SCMH1: variants seen among roughly 807,000 people sequenced by gnomAD.
SCMH1 encodes the protein polycomb protein SCMH1.
In SCMH1, 37 loss-of-function variants were observed where a neutral mutation model predicts 70.8. The observed-to-expected ratio is 0.52, with a 90% CI of 0.40 to 0.69. The LOEUF is 0.69. Ranked by LOEUF, SCMH1 falls within the 30% of genes least tolerant of loss-of-function variation. SCMH1 has a pLI of 0.00. For synonymous variants in SCMH1, 292 were observed against 307.4 expected (o/e 0.95, Z 0.52); for missense variants, 607 against 827.3 (o/e 0.73, Z 3.27).
At chr1:41,186,848 G>A (rs138810763) in intron 1 of SCMH1, among the ~76,000 whole-genome samples, 2 of 152,106 alleles carry the variant, frequency 1.3e-5, no homozygotes, top group African/African-American at 2.4e-5. Flanking sequence ...AGCCTCTGCC[G>A]CTAGCATCCT....
At chr1:41,123,929 C>T (rs1672545872) in intron 6 of SCMH1, among the ~76,000 whole-genome samples, 1 of 152,154 alleles carries the variant, frequency 6.6e-6, no homozygotes, top group African/African-American at 2.4e-5. Flanking sequence ...CTCAGGAGAG[C>T]CATTTTGCCA....
intron 8 of SCMH1, among the ~76,000 whole-genome samples, chr1:41,087,011 T>G (rs1245872456): frequency 6.6e-6 from 1 of 151,870 alleles, no homozygotes; most frequent in African/African-American, 2.4e-5. Context: ...GCTTCTATTA[T>G]GAAAACTGTG....
intron 1 of SCMH1, among the ~76,000 whole-genome samples, chr1:41,240,243 G>A (rs1663238075): frequency 6.6e-6 from 1 of 152,188 alleles, no homozygotes; most frequent in African/African-American, 2.4e-5. Context: ...GTATGTGCTT[G>A]TCTAAGTTGT....
intron 10 of SCMH1, among the ~76,000 whole-genome samples, chr1:41,060,414 C>T (rs936069129): frequency 8.6e-5 from 13 of 151,078 alleles, no homozygotes; most frequent in African/African-American, 2.4e-4. Context: ...AAAAACCCAC[C>T]GACCTAAAGT....
chr1:41,141,235 A>C (rs1644043581), intron 6 of SCMH1, among the ~76,000 whole-genome samples: 1 of 152,268 alleles, frequency 6.6e-6, no homozygotes, highest in African/African-American at 2.4e-5. Flanking sequence ...GCAGCAAACT[A>C]CAGTTGGCAG....
chr1:41,222,944 T>A (rs186344068), intron 1 of SCMH1, among the ~76,000 whole-genome samples: 4 of 152,342 alleles, frequency 2.6e-5, no homozygotes, highest in South Asian at 2.1e-4. Context: ...ATGAAGTGTA[T>A]ACATTTATAT....
chr1:41,120,491 C>T (rs977638478), intron 6 of SCMH1, among the ~76,000 whole-genome samples: 3 of 152,096 alleles, frequency 2.0e-5, no homozygotes, highest in Non-Finnish European at 4.4e-5. Context: ...TGGTTGGATA[C>T]CAAACTTTGT....
At position 41,094,946 on chromosome 1, in the gene SCMH1, T is replaced by C. The variant is rs186487570; in HGVS notation, c.745+18337A>G. Among the ~76,000 whole-genome samples the C allele has an allele frequency of 3.6e-3, 552 of 152,060 alleles. 3 individuals are homozygous for C. The highest frequency in any genetic ancestry group is 0.012 in the African/African-American group (511 of 41,468). On this transcript the variant is annotated intron_variant, in intron 8 of 14. Coordinates refer to ENST00000337495, the Ensembl canonical transcript of SCMH1. ...GCCATATCTCTGCTCAAATGATACCTTTCAGTGAAGCTTTCCCTCATCATC... is the reference window on the plus strand; with the variant it reads ...GCCATATCTCTGCTCAAATGATACCCTTCAGTGAAGCTTTCCCTCATCATC...
chr1:41,196,546 C>A (rs1653066852), intron 1 of SCMH1, among the ~76,000 whole-genome samples: 2 of 152,066 alleles, frequency 1.3e-5, no homozygotes, highest in South Asian at 4.1e-4. Flanking sequence ...AAAATTAACT[C>A]AAAATTTATC....
exon 11 of SCMH1, chr1:41,048,866 C>T: frequency 1.2e-6 from 2 of 1,613,848 alleles, no homozygotes; most frequent in Non-Finnish European, 1.7e-6. Flanking sequence ...GCCTGTGCTG[C>T]CATTCTTGTT....
chr1:41,072,618 A>G (rs1656921799), intron 9 of SCMH1, among the ~76,000 whole-genome samples: 1 of 152,156 alleles, frequency 6.6e-6, no homozygotes, highest in South Asian at 2.1e-4. Context: ...TCCCAGCACT[A>G]TGGGAGGTCT....
intron 12 of SCMH1, chr1:41,043,250 T>G (rs995784474): frequency 6.7e-6 from 1 of 149,536 alleles, no homozygotes; most frequent in Middle Eastern, 3.4e-3. Context: ...CACACCACCA[T>G]GCCCAGCTAA....
intron 8 of SCMH1, among the ~76,000 whole-genome samples, chr1:41,106,702 T>G (rs914371906): frequency 4.0e-5 from 6 of 151,826 alleles, no homozygotes; most frequent in African/African-American, 1.5e-4. Context: ...TCCTTTTTCT[T>G]TTTTTGAGAT....
intron 6 of SCMH1, among the ~76,000 whole-genome samples, chr1:41,123,717 G>A (rs1255855708): frequency 6.6e-6 from 1 of 152,222 alleles, no homozygotes; most frequent in Non-Finnish European, 1.5e-5. Flanking sequence ...GTGAGGAGAA[G>A]AGTGGCAGCT....
chr1:41,075,642 T>A (rs1286569865), intron 8 of SCMH1, among the ~76,000 whole-genome samples, 191 bp from the exon 9 acceptor site: 1 of 152,232 alleles, frequency 6.6e-6, no homozygotes, highest in African/African-American at 2.4e-5. Context: ...TTGGAGGTTT[T>A]AAATTATTTC....
chr1:41,159,667 A>T (rs1167221375), intron 4 of SCMH1: 7 of 1,486,778 alleles, frequency 4.7e-6, no homozygotes, highest in Non-Finnish European at 6.3e-6. Flanking sequence ...AAGCTTGAGG[A>T]AAGTTTTAAA....
intron 8 of SCMH1, among the ~76,000 whole-genome samples, chr1:41,106,547 G>A (rs1456003955): frequency 1.3e-5 from 2 of 151,822 alleles, no homozygotes; most frequent in East Asian, 1.9e-4. Context: ...TGCAAGAACA[G>A]CCTAATACAG....
chr1:41,242,148 G>GGGCGGGCGGGCGGCTCGGGAGAGC, upstream of SCMH1: 1 of 148,892 alleles, frequency 6.7e-6, no homozygotes, highest in African/African-American at 2.5e-5. The surrounding 1 kb of genome is among the most constrained non-coding windows in gnomAD (Gnocchi z 5.2). Context: ...CGCGGGAAGG[G>GGGCGGGCGGGCGGCTCGGGAGAGC]GGCGGGCGGG....
chr1:41,081,786 C>T (rs1205817284), intron 8 of SCMH1, among the ~76,000 whole-genome samples: 1 of 150,408 alleles, frequency 6.6e-6, no homozygotes, highest in East Asian at 2.0e-4. Context: ...TGTCACTGCA[C>T]TCTAGTCTAG....
Sources: allele counts gnomAD v4.1 joint callset (sites outside exome capture counted in the v4.1 genomes callset), GRCh38; gene constraint gnomAD v4.1.1; non-coding constraint Gnocchi (gnomAD v3.1); transcripts MANE v1.5; gene names NCBI Gene and HGNC (gene_info 2026-07-23, HGNC 2026-07-21).